The following EHBP1 variants were observed in gnomAD, a reference collection of about 807,000 sequenced individuals.
The protein encoded by EHBP1 is EH domain binding protein 1, also known as EH domain-binding protein 1.
Under a neutral mutation model 144.0 loss-of-function variants are expected in EHBP1, and 55 were observed. The ratio of observed to expected loss-of-function variants is 0.38; its 90% CI spans 0.31 to 0.48. The LOEUF (loss-of-function observed/expected upper bound fraction) is 0.48, where lower values mean the gene tolerates loss of function less well. Among genes scored for constraint, EHBP1 ranks in the 20% least tolerant of loss-of-function variants. The probability of loss-of-function intolerance (pLI) is 0.98; values close to 1 mark genes in which losing one functional copy is unlikely to be tolerated. For synonymous variants in EHBP1, 469 were observed against 472.7 expected, an observed-to-expected ratio of 0.99 and a Z score of 0.10; for missense variants, 1,200 against 1,364.2, an observed-to-expected ratio of 0.88 and a Z score of 1.90.
intron 5 of EHBP1, chr2:62,772,021 T>C (rs1271359462): frequency 1.3e-5 from 2 of 152,228 alleles, no homozygotes; most frequent in African/African-American, 4.8e-5. Flanking sequence ...GGCAGGAGAA[T>C]CGCTGGAACC....
At chr2:63,011,499 A>G (rs147998406) in intron 19 of EHBP1, among the ~76,000 whole-genome samples, 4 of 152,082 alleles carry the variant, frequency 2.6e-5, no homozygotes, top group East Asian at 1.9e-4. Context: ...TGTGCTTTAA[A>G]GATTAGAAAA....
chr2:62,712,043 T>C (rs113008862), intron 2 of EHBP1, among the ~76,000 whole-genome samples: 185 of 152,178 alleles, frequency 1.2e-3, no homozygotes, highest in African/African-American at 4.0e-3. Flanking sequence ...TTGGCAGATA[T>C]TGCAACATGT....
intron 21 of EHBP1, among the ~76,000 whole-genome samples, chr2:63,040,561 T>A (rs1048824809): frequency 8.5e-5 from 13 of 152,154 alleles, no homozygotes; most frequent in African/African-American, 2.4e-4. Context: ...GGGAAAAATA[T>A]TTTTCTTTTT....
intron 3 of EHBP1, among the ~76,000 whole-genome samples, chr2:62,756,555 G>T (rs1472709347): frequency 2.0e-5 from 3 of 152,024 alleles, no homozygotes; most frequent in South Asian, 4.1e-4. Flanking sequence ...GATCACCTGA[G>T]GGTCAGGAGT....
chr2:62,695,630 G>A (rs919917528), intron 1 of EHBP1, among the ~76,000 whole-genome samples: 16 of 152,182 alleles, frequency 1.1e-4, no homozygotes, highest in African/African-American at 3.1e-4. Context: ...TTTAGATAGC[G>A]AGAGAACATT....
intron 10 of EHBP1, among the ~76,000 whole-genome samples, chr2:62,896,284 G>C (rs2052923735): frequency 6.6e-6 from 1 of 152,152 alleles, no homozygotes; most frequent in Non-Finnish European, 1.5e-5. Flanking sequence ...TCGAAAAAAG[G>C]CTATGTAACT....
Position 62,797,073 on chromosome 2 carries a change from A to G in EHBP1, c.312+25681A>G, listed in dbSNP as rs149297583. ...GCATTTGGGAAAACCTTACTAAATT[A>G]TTTCTTTTTTGTCCTATCCTGTGAA... On this transcript the variant is annotated intron_variant, in intron 5 of 22. Transcript: ENST00000431489. 6.6e-5 allele frequency among the ~76,000 whole-genome samples: 10 copies of G among 152,288 alleles called. No individual in the cohort carries two copies. The East Asian group carries it at 1.9e-3, about 29-fold the overall frequency.
intron 2 of EHBP1, among the ~76,000 whole-genome samples, chr2:62,714,231 A>G (rs2035444471): frequency 6.6e-6 from 1 of 152,174 alleles, no homozygotes; most frequent in South Asian, 2.1e-4. Context: ...TAAAAAGAAA[A>G]AAAGAAAGAA....
At chr2:63,024,426 T>C (rs2060886556) in intron 19 of EHBP1, among the ~76,000 whole-genome samples, 2 of 151,850 alleles carry the variant, frequency 1.3e-5, no homozygotes, top group Non-Finnish European at 2.9e-5. Flanking sequence ...AACACAGCAA[T>C]ACCCTGTCTC....
chr2:63,011,806 T>C (rs2060280308), intron 19 of EHBP1, among the ~76,000 whole-genome samples: 1 of 151,922 alleles, frequency 6.6e-6, no homozygotes, highest in African/African-American at 2.4e-5. Context: ...GGCAGGAGAA[T>C]TCAGTGAAGG....
chr2:62,839,864 C>A (rs1170893826), intron 7 of EHBP1, among the ~76,000 whole-genome samples: 1 of 151,644 alleles, frequency 6.6e-6, no homozygotes, highest in Non-Finnish European at 1.5e-5. Context: ...GAAGAACATT[C>A]CATGCTCATG....
chr2:62,927,503 T>C (rs1045377304), intron 10 of EHBP1, among the ~76,000 whole-genome samples: 2 of 152,076 alleles, frequency 1.3e-5, no homozygotes, highest in African/African-American at 4.8e-5. Context: ...AATTAAAAAA[T>C]AAAGTTACAA....
chr2:63,001,510 G>A (rs1171879090), intron 19 of EHBP1, among the ~76,000 whole-genome samples: 1 of 152,086 alleles, frequency 6.6e-6, no homozygotes, highest in African/African-American at 2.4e-5. Flanking sequence ...GCAGGGAATA[G>A]GGCCCACAAA....
intron 1 of EHBP1, among the ~76,000 whole-genome samples, chr2:62,696,508 C>CTTTTTTTTTTTTTTTTTTTTT (rs869081763): frequency 3.6e-4 from 28 of 76,740 alleles, no homozygotes; most frequent in Non-Finnish European, 4.8e-4. Context: ...TTTTTTTCTT[C>CTTTTTTTTTTTTTTTTTTTTT]TTTTTTTTTT....
chr2:62,791,155 T>C (rs1558675911), intron 5 of EHBP1, among the ~76,000 whole-genome samples: 1 of 152,068 alleles, frequency 6.6e-6, no homozygotes. Context: ...ATTCATTTTC[T>C]TCACTCCCAG....
At chr2:62,936,172 T>C (rs1346605411) in intron 10 of EHBP1, among the ~76,000 whole-genome samples, 1 of 152,132 alleles carries the variant, frequency 6.6e-6, no homozygotes, top group Non-Finnish European at 1.5e-5. Context: ...TTGTGTAATA[T>C]TGGAGATTTT....
At chr2:63,042,802 G>T (rs982209823) in intron 21 of EHBP1, among the ~76,000 whole-genome samples, 5 of 151,930 alleles carry the variant, frequency 3.3e-5, no homozygotes, top group Admixed American at 1.3e-4. Context: ...AACTGGTCAA[G>T]TTCAGAGAAG....
intron 5 of EHBP1, among the ~76,000 whole-genome samples, chr2:62,821,644 C>T (rs1020145546): frequency 8.5e-5 from 13 of 152,146 alleles, no homozygotes; most frequent in Non-Finnish European, 1.8e-4. Context: ...TGCACCACTG[C>T]ACTCTATCCT....
chr2:62,754,830 G>A (rs1001627719), intron 3 of EHBP1, among the ~76,000 whole-genome samples: 1 of 152,226 alleles, frequency 6.6e-6, no homozygotes, highest in African/African-American at 2.4e-5. Context: ...TGCTAAGATT[G>A]TTGGGAAAGC....
Sources: gnomAD v4.1 joint callset for allele counts (sites outside exome capture counted in the v4.1 genomes callset) on GRCh38, gnomAD v4.1.1 for gene constraint, MANE v1.5 for transcripts, NCBI Gene and HGNC (gene_info 2026-07-23, HGNC 2026-07-21) for gene names.